Variants in SOX5 observed in about 807,000 individuals in gnomAD.
The protein encoded by SOX5 is transcription factor SOX-5.
In SOX5, 9 loss-of-function variants were observed where a neutral mutation model predicts 92.0. The ratio of observed to expected loss-of-function variants is 0.10; its 90% CI spans 0.06 to 0.17. The LOEUF is 0.17. SOX5 is among the 10% of genes least tolerant of loss of function. The pLI is 1.00. For missense variants in SOX5, 642 were observed against 944.5 expected (o/e 0.68, Z 4.20); for synonymous variants, 344 against 336.3 (o/e 1.02, Z -0.25).
At chr12:23,745,487 G>C (rs1370873716) in intron 4 of SOX5, among the ~76,000 whole-genome samples, 2 of 152,070 alleles carry the variant, frequency 1.3e-5, no homozygotes, top group African/African-American at 4.8e-5. Context: ...AAACTGTCAA[G>C]TCATTATTGC....
chr12:24,482,107 C>G (rs1946060274), intron 1 of SOX5, among the ~76,000 whole-genome samples: 1 of 152,134 alleles, frequency 6.6e-6, no homozygotes, highest in Admixed American at 6.6e-5. Flanking sequence ...GGTAACCATC[C>G]TATGCAACAC....
intron 4 of SOX5, among the ~76,000 whole-genome samples, chr12:23,987,743 C>T (rs187319616): frequency 7.2e-5 from 11 of 152,262 alleles, no homozygotes; most frequent in African/African-American, 1.9e-4. Context: ...CAGCGAGCTG[C>T]GATCAGGCCA....
chr12:24,073,213 AAAC>A (rs1380334416), intron 4 of SOX5, among the ~76,000 whole-genome samples: 2 of 152,256 alleles, frequency 1.3e-5, no homozygotes, highest in African/African-American at 2.4e-5. Flanking sequence ...TGGAAGAAGC[AAAC>A]AACAGATGCA....
chr12:23,744,401 G>A (rs1354051148), intron 4 of SOX5, among the ~76,000 whole-genome samples: 1 of 152,026 alleles, frequency 6.6e-6, no homozygotes. Flanking sequence ...ATCTCTGAGG[G>A]TGTATCTCAG....
At chr12:24,228,648 CTGTGTGTG>C (rs1271626532) in intron 3 of SOX5, among the ~76,000 whole-genome samples, 1 of 152,074 alleles carries the variant, frequency 6.6e-6, no homozygotes, top group African/African-American at 2.4e-5. Context: ...CAGAAATATT[CTGTGTGTG>C]TGTGCGTGTG....
chr12:24,397,479 C>A (rs545634337), intron 1 of SOX5, among the ~76,000 whole-genome samples: 68 of 152,090 alleles, frequency 4.5e-4, no homozygotes, highest in Non-Finnish European at 7.8e-4. Flanking sequence ...TATGAAGATG[C>A]ACTCAACTCC....
intron 4 of SOX5, among the ~76,000 whole-genome samples, chr12:23,956,155 C>T (rs912297136): frequency 5.3e-5 from 8 of 152,124 alleles, no homozygotes. Context: ...CCATATTCTC[C>T]TTTGCTTGTA....
At chr12:24,120,713 A>G (rs187717935) in intron 4 of SOX5, among the ~76,000 whole-genome samples, 2 of 152,332 alleles carry the variant, frequency 1.3e-5, no homozygotes, top group African/African-American at 4.8e-5. Context: ...CAATGAAAAT[A>G]CACTATATCT....
chr12:23,559,108 G>A (rs942544176), intron 11 of SOX5, among the ~76,000 whole-genome samples: 2 of 152,138 alleles, frequency 1.3e-5, no homozygotes, highest in African/African-American at 4.8e-5. Flanking sequence ...GGTGGGATCA[G>A]GACAACAAAA....
At chr12:23,759,491 A>C (rs1273573528) in intron 3 of SOX5, among the ~76,000 whole-genome samples, 1 of 152,068 alleles carries the variant, frequency 6.6e-6, no homozygotes, top group African/African-American at 2.4e-5. Context: ...TATGTAAAGC[A>C]AAGAGCTTCA....
intron 3 of SOX5, among the ~76,000 whole-genome samples, chr12:23,834,502 T>C (rs969287595): frequency 1.2e-4 from 18 of 151,918 alleles, no homozygotes; most frequent in Admixed American, 1.1e-3. Flanking sequence ...GAAGATTACA[T>C]GAAACAGCCC....
At chr12:24,010,598 C>T (rs1231466366) in intron 4 of SOX5, among the ~76,000 whole-genome samples, 2 of 152,096 alleles carry the variant, frequency 1.3e-5, no homozygotes, top group African/African-American at 4.8e-5. Flanking sequence ...CCATTGCTAC[C>T]AAGTGCTGTG....
intron 2 of SOX5, among the ~76,000 whole-genome samples, chr12:24,296,653 A>T (rs1234713766): frequency 6.6e-6 from 1 of 152,178 alleles, no homozygotes; most frequent in Admixed American, 6.5e-5. Context: ...TGATAATTCA[A>T]CTTTCTGACA....
chr12:23,850,511 C>CA (rs1378477675), intron 2 of SOX5, among the ~76,000 whole-genome samples: 1 of 148,500 alleles, frequency 6.7e-6, no homozygotes, highest in Non-Finnish European at 1.5e-5. Context: ...AACAAAACTT[C>CA]AAAAAATATC....
intron 1 of SOX5, among the ~76,000 whole-genome samples, chr12:24,485,661 A>G (rs1946443954): frequency 6.6e-6 from 1 of 152,190 alleles, no homozygotes; most frequent in African/African-American, 2.4e-5. Flanking sequence ...CTGGTATCTA[A>G]TAGTTATCAA....
intron 12 of SOX5, among the ~76,000 whole-genome samples, chr12:23,544,880 ATCTGCC>A: frequency 6.6e-6 from 1 of 152,242 alleles, no homozygotes; most frequent in Non-Finnish European, 1.5e-5. Flanking sequence ...TCATTTGCAC[ATCTGCC>A]TTTTCTTGTT....
chr12:24,334,090 T>C (rs1951629240), intron 2 of SOX5, among the ~76,000 whole-genome samples: 2 of 150,522 alleles, frequency 1.3e-5, no homozygotes, highest in South Asian at 4.2e-4. Context: ...TCATACTATA[T>C]ACTATATACC....
intron 4 of SOX5, among the ~76,000 whole-genome samples, chr12:24,006,357 CTTG>C (rs1429139233): frequency 6.6e-6 from 1 of 152,130 alleles, no homozygotes; most frequent in East Asian, 1.9e-4. Context: ...TGCATTTCTT[CTTG>C]TTGTCCTTAC....
At chr12:24,324,996 C>G (rs1295567133) in intron 2 of SOX5, among the ~76,000 whole-genome samples, 1 of 151,862 alleles carries the variant, frequency 6.6e-6, no homozygotes, top group Non-Finnish European at 1.5e-5. Context: ...ACATATGAGG[C>G]ACCAAGAGTG....
Sources: allele counts gnomAD v4.1 joint callset (sites outside exome capture counted in the v4.1 genomes callset), GRCh38; gene constraint gnomAD v4.1.1; transcripts MANE v1.5; gene names NCBI Gene and HGNC (gene_info 2026-07-23, HGNC 2026-07-21).